Variants in EFL1 observed in about 807,000 individuals in gnomAD.
EFL1 encodes the protein elongation factor-like GTPase 1.
In EFL1, 76 loss-of-function variants were observed where a neutral mutation model predicts 126.7. The observed-to-expected ratio is 0.60, with a 90% CI of 0.50 to 0.73. The LOEUF (loss-of-function observed/expected upper bound fraction) is 0.73, where lower values mean the gene tolerates loss of function less well. Among genes scored for constraint, EFL1 ranks in the 30% least tolerant of loss-of-function variants. EFL1 has a pLI of 0.00. For synonymous variants in EFL1, 410 were observed against 448.4 expected (o/e 0.91, Z 1.08); for missense variants, 1,128 against 1,343.2 (o/e 0.84, Z 2.50).
chr15:82,187,905 C>G (rs117758202), intron 15 of EFL1, among the ~76,000 whole-genome samples: 2,289 of 151,948 alleles, frequency 0.015, 23 homozygotes, highest in East Asian at 0.024. Context: ...AGATTTTGTC[C>G]TATATTTCAC....
At chr15:82,224,603 T>C (rs183912597) in intron 12 of EFL1, among the ~76,000 whole-genome samples, 31 of 152,172 alleles carry the variant, frequency 2.0e-4, no homozygotes, top group African/African-American at 7.2e-4. Context: ...AGCTAGGAGG[T>C]TGCTGCAACA....
chr15:82,230,710 A>G, intron 8 of EFL1, 138 bp downstream of exon 8: 1 of 1,024,464 alleles, frequency 9.8e-7, no homozygotes, highest in Non-Finnish European at 1.3e-6. Context: ...GCCTTTCCCA[A>G]TTATATACAG....
intron 15 of EFL1, among the ~76,000 whole-genome samples, chr15:82,190,591 G>A (rs908720689): frequency 6.6e-6 from 1 of 152,058 alleles, no homozygotes; most frequent in Non-Finnish European, 1.5e-5. Context: ...AAAAAAGGAG[G>A]ATAGATTTTA....
chr15:82,229,133 T>C (rs758682619), intron 8 of EFL1, 23 bp from the exon 9 acceptor site: 13 of 1,584,900 alleles, frequency 8.2e-6, no homozygotes, highest in Non-Finnish European at 8.6e-7. Flanking sequence ...ACATACGGGC[T>C]TAAGTTCCTG....
At chr15:82,159,209 T>C (rs960480186) in intron 16 of EFL1, among the ~76,000 whole-genome samples, 6 of 152,156 alleles carry the variant, frequency 3.9e-5, no homozygotes, top group African/African-American at 1.2e-4. Context: ...TAACTAAGCC[T>C]TCACAGAATT....
At chr15:82,150,825 TG>T (rs1382903318) in intron 18 of EFL1, among the ~76,000 whole-genome samples, 1 of 152,228 alleles carries the variant, frequency 6.6e-6, no homozygotes, top group African/African-American at 2.4e-5. Flanking sequence ...AGAACAACTT[TG>T]GTTACCCAGA....
chr15:82,219,538 C>T, intron 14 of EFL1, 114 bp downstream of exon 14: 1 of 1,196,028 alleles, frequency 8.4e-7, no homozygotes, highest in East Asian at 2.6e-5. Context: ...TCAAGTGTGC[C>T]TTTCCAGAGA....
intron 10 of EFL1, 147 bp downstream of exon 10, chr15:82,228,044 C>A: frequency 2.0e-6 from 2 of 1,007,102 alleles, no homozygotes; most frequent in South Asian, 4.2e-5. Context: ...GTATTTAATA[C>A]AGTTTCATGG....
chr15:82,204,590 T>C (rs1352552805), intron 15 of EFL1, among the ~76,000 whole-genome samples: 3 of 152,248 alleles, frequency 2.0e-5, no homozygotes, highest in African/African-American at 7.2e-5. Flanking sequence ...GATATCTTCC[T>C]AACCTGCATG....
At position 82,254,947 on chromosome 15, in the gene EFL1, G is replaced by C. The variant is rs541767746; in HGVS notation, c.160-2172C>G. 9.7e-4 allele frequency among the ~76,000 whole-genome samples: 147 copies of C among 152,268 alleles called. 1 individual carries two copies. Among genetic ancestry groups the C allele is most frequent in the African/African-American group, 3.5e-3 (144 of 41,566 alleles). On this transcript the variant is annotated intron_variant, in intron 3 of 19. Transcript: ENST00000268206. ...AGAATGAGATGTAGACCTTCAACTG[G>C]TGGGTACTGATGGACATGGAGACTG...
intron 18 of EFL1, among the ~76,000 whole-genome samples, chr15:82,143,966 G>A (rs917430399): frequency 1.3e-5 from 2 of 152,162 alleles, no homozygotes; most frequent in Non-Finnish European, 2.9e-5. Flanking sequence ...ATGCAGCTGG[G>A]ACTATAGGCA....
chr15:82,156,742 T>C (rs918600823), intron 17 of EFL1, among the ~76,000 whole-genome samples: 5 of 152,214 alleles, frequency 3.3e-5, no homozygotes, highest in African/African-American at 1.2e-4. Context: ...TTATTATTTT[T>C]GTTATGATTA....
At chr15:82,219,887 AAGG>A (rs2074691380) in intron 13 of EFL1, 69 bp from the exon 14 acceptor site, 17 of 1,534,502 alleles carry the variant, frequency 1.1e-5, no homozygotes, top group Non-Finnish European at 1.3e-5. Flanking sequence ...TGAAATATAG[AAGG>A]AGGAGTGAAT....
chr15:82,206,448 C>A (rs767638453), intron 15 of EFL1, among the ~76,000 whole-genome samples: 4 of 152,026 alleles, frequency 2.6e-5, no homozygotes, highest in Non-Finnish European at 5.9e-5. Context: ...AAGTAAATAT[C>A]CCATCTTAAT....
chr15:82,230,425 C>A (rs1440766992), intron 8 of EFL1, among the ~76,000 whole-genome samples: 1 of 152,042 alleles, frequency 6.6e-6, no homozygotes, highest in Non-Finnish European at 1.5e-5. Flanking sequence ...CCGATCTACA[C>A]TGCACGATGA....
chr15:82,170,959 T>C (rs1328403689), intron 15 of EFL1, among the ~76,000 whole-genome samples: 1 of 152,230 alleles, frequency 6.6e-6, no homozygotes, highest in Non-Finnish European at 1.5e-5. Flanking sequence ...ACAAAATGCT[T>C]AGTATAGTTG....
At chr15:82,164,014 T>C in intron 15 of EFL1, 30 bp from the exon 16 acceptor site, 1 of 1,606,528 alleles carries the variant, frequency 6.2e-7, no homozygotes, top group South Asian at 1.1e-5. Context: ...ATACGGTCAA[T>C]AAGGGATGAT....
At chr15:82,158,181 T>C (rs1462735713) in intron 16 of EFL1, among the ~76,000 whole-genome samples, 1 of 152,202 alleles carries the variant, frequency 6.6e-6, no homozygotes, top group Non-Finnish European at 1.5e-5. Flanking sequence ...AATGTATACA[T>C]TATATACCTA....
At chr15:82,170,365 C>T (rs1476387752) in intron 15 of EFL1, among the ~76,000 whole-genome samples, 2 of 152,052 alleles carry the variant, frequency 1.3e-5, no homozygotes, top group South Asian at 2.1e-4. Flanking sequence ...CCGCCCGCCT[C>T]GGCCTCCCAA....
Sources: gnomAD v4.1 joint callset for allele counts (sites outside exome capture counted in the v4.1 genomes callset) on GRCh38, gnomAD v4.1.1 for gene constraint, MANE v1.5 for transcripts, NCBI Gene and HGNC (gene_info 2026-07-23, HGNC 2026-07-21) for gene names.